FBXL4: variants seen among roughly 807,000 people sequenced by gnomAD.
The protein encoded by FBXL4 is F-box and leucine rich repeat protein 4.
In FBXL4, 40 loss-of-function variants were observed where a neutral mutation model predicts 58.9. The ratio of observed to expected loss-of-function variants is 0.68; its 90% CI spans 0.53 to 0.88. The LOEUF is 0.88. Among genes scored for constraint, FBXL4 ranks in the 40% least tolerant of loss-of-function variants. The pLI is 0.00. For missense variants in FBXL4, 676 were observed against 734.4 expected (o/e 0.92, Z 0.92); for synonymous variants, 263 against 265.5 (o/e 0.99, Z 0.09).
At chr6:98,926,265 T>A (rs547489984) in intron 4 of FBXL4, among the ~76,000 whole-genome samples, 17 of 152,324 alleles carry the variant, frequency 1.1e-4, no homozygotes, top group African/African-American at 3.8e-4. Context: ...TCATAAGCCA[T>A]GAATATTACA....
intron 7 of FBXL4, among the ~76,000 whole-genome samples, chr6:98,882,872 T>A (rs1261081045): frequency 1.3e-5 from 2 of 152,046 alleles, no homozygotes; most frequent in Non-Finnish European, 2.9e-5. Context: ...TGCTTACAAT[T>A]TTCACCATTA....
rs1773690325 is a variant in FBXL4 at position 98,947,880 on chromosome 6, G to T, written c.-383C>A. ...GCAGCGCGAGAAGGCCTGGGTGCGG[G>T]GGCGGCTCCCCGACTCTCTAGATGC... On this transcript the variant is annotated 5_prime_UTR_variant, in exon 1 of 10. Coordinates refer to ENST00000369244, the MANE Select transcript of FBXL4 (RefSeq NM_001278716.2). 6.6e-6 allele frequency: 1 copy of T among 152,078 alleles called. No individual in the cohort carries two copies. The allele number at this position is 152,078 out of a possible 1,614,324, so 9.4% of individuals were successfully genotyped here.
At chr6:98,944,860 C>G (rs557671186) in intron 1 of FBXL4, among the ~76,000 whole-genome samples, 1 of 152,282 alleles carries the variant, frequency 6.6e-6, no homozygotes, top group South Asian at 2.1e-4. Context: ...ATCACATCAC[C>G]CTGTGGAAAT....
At chr6:98,898,228 T>C (rs1771474744) in intron 7 of FBXL4, 1 of 942,446 alleles carries the variant, frequency 1.1e-6, no homozygotes, top group Non-Finnish European at 1.3e-6. Flanking sequence ...ACAAAAGCCC[T>C]GAGCTGGGAC....
rs1160846146 is a variant in FBXL4, at chr6:98,869,057, T to G, written c.*5221A>C. The G allele has an allele frequency of 1.3e-5, 2 of 152,140 alleles. No individual in the cohort carries two copies. Among genetic ancestry groups the G allele is most frequent in the East Asian group, 3.9e-4 (2 of 5,192 alleles). 9.4% of individuals were successfully genotyped at this position (152,140 alleles called of 1,614,324 possible). On this transcript the variant is annotated 3_prime_UTR_variant, in exon 10 of 10. Transcript: ENST00000369244. ...AGAATGTGAGCTATTGCCAAAAAAA[T>G]GATTCTAACAGTTATGGTTTTACAC...
At chr6:98,885,776 C>A (rs2128382119) in intron 7 of FBXL4, among the ~76,000 whole-genome samples, 1 of 152,300 alleles carries the variant, frequency 6.6e-6, no homozygotes, top group East Asian at 1.9e-4. Flanking sequence ...ATCATGTCAG[C>A]CAATTCCTTA....
intron 4 of FBXL4, among the ~76,000 whole-genome samples, chr6:98,922,358 T>C (rs1772616217): frequency 6.6e-6 from 1 of 152,206 alleles, no homozygotes. Context: ...AAAAGACTGG[T>C]TTTAAATTTT....
chr6:98,891,898 T>C (rs1009241214), intron 7 of FBXL4, among the ~76,000 whole-genome samples: 14 of 152,242 alleles, frequency 9.2e-5, no homozygotes, highest in African/African-American at 3.4e-4. Context: ...TTGGTCACTG[T>C]CATGGTTGTG....
At chr6:98,885,093 A>T (rs1016835888) in intron 7 of FBXL4, among the ~76,000 whole-genome samples, 19 of 152,184 alleles carry the variant, frequency 1.2e-4, no homozygotes, top group African/African-American at 4.6e-4. Flanking sequence ...ATATTTAGTT[A>T]AACATAATTC....
rs772085661 is a variant in FBXL4 at position 98,917,598 on chromosome 6, A to C, written c.634T>G (p.Ser212Ala). ...AATTCAGTGTAATATTCCAGAAGAG[A>C]ACTATTTACTTCCAGTCGTATAAGA... The part of the protein sequence containing the change: ...TNLIRLEVNS[S>A]LLEYYTELDA... Residue 212 changes from serine to alanine, a missense_variant, in exon 5 of 10, where the codon TCT (serine) becomes GCT (alanine). Coordinates refer to ENST00000369244, the MANE Select transcript of FBXL4 (RefSeq NM_001278716.2). 4 of 1,614,036 alleles carry C rather than the reference A, an allele frequency of 2.5e-6. No individual in the cohort carries two copies. Among genetic ancestry groups the C allele is most frequent in the Non-Finnish European group, 2.5e-6 (3 of 1,179,920 alleles).
intron 1 of FBXL4, among the ~76,000 whole-genome samples, chr6:98,941,318 A>T (rs550094349): frequency 6.6e-6 from 1 of 151,442 alleles, no homozygotes; most frequent in Non-Finnish European, 1.5e-5. Flanking sequence ...TGATGCAAAA[A>T]CTACATATTG....
chr6:98,868,709 T>G lies in FBXL4; in HGVS notation c.*5569A>C, dbSNP rs562603997. On this transcript the variant is annotated 3_prime_UTR_variant, in exon 10 of 10. Transcript: ENST00000369244. Reference sequence around the variant, plus strand: ...TTATCTTTAGTGTATTCTACTCTATTTATCTGATACGACTATTTTGCTTTT... The same window carrying G: ...TTATCTTTAGTGTATTCTACTCTATGTATCTGATACGACTATTTTGCTTTT... 1 of 152,220 alleles carries G rather than the reference T, an allele frequency of 6.6e-6. No homozygotes were observed. Among genetic ancestry groups the G allele is most frequent in the Non-Finnish European group, 1.5e-5 (1 of 68,034 alleles). 9.4% of individuals were successfully genotyped at this position (152,220 alleles called of 1,614,324 possible).
At chr6:98,892,160 A>T (rs1040762125) in intron 7 of FBXL4, among the ~76,000 whole-genome samples, 1 of 152,238 alleles carries the variant, frequency 6.6e-6, no homozygotes, top group African/African-American at 2.4e-5. Context: ...ATTATCAGCT[A>T]TTAAAACTAT....
chr6:98,876,702 A>G (rs1217197226), intron 8 of FBXL4, among the ~76,000 whole-genome samples: 2 of 152,190 alleles, frequency 1.3e-5, no homozygotes, highest in Non-Finnish European at 2.9e-5. Context: ...GAGAGTGATC[A>G]GAGTGTCACG....
intron 5 of FBXL4, among the ~76,000 whole-genome samples, chr6:98,908,884 T>G (rs1771921250): frequency 6.6e-6 from 1 of 152,172 alleles, no homozygotes; most frequent in Non-Finnish European, 1.5e-5. Flanking sequence ...ATAACTAAGT[T>G]TTTTAAAGCA....
rs1013830591 is a variant in FBXL4, at chr6:98,872,397, A to C, written c.*1881T>G. 6.6e-6 allele frequency: 1 copy of C among 152,180 alleles called. No individual in the cohort carries two copies. The highest frequency in any genetic ancestry group is 1.5e-5 in the Non-Finnish European group (1 of 68,024). The allele number at this position is 152,180 out of a possible 1,614,324, so 9.4% of individuals were successfully genotyped here. A position where few individuals can be genotyped will look rare whatever the true frequency, so the allele number is the denominator to read the frequency against. On this transcript the variant is annotated 3_prime_UTR_variant, in exon 10 of 10. Transcript: ENST00000369244. ...ATTTGACAATACCTATCTGCAAGGA[A>C]TTTTCAGAAGTAAAATACATAAAAT...
rs114916821 is a variant in FBXL4, at chr6:98,926,521, A to G, written c.468T>C (p.Ala156=). 6.0e-4 allele frequency: 965 copies of G among 1,613,486 alleles called. 8 individuals carry two copies. In the East Asian group the frequency reaches 0.011, roughly 18 times the overall value. Reference sequence around the variant, plus strand: ...TTGGGGAATAAGGATTTGCAGAACAAGCGAGAATTCTAATGACTGCTCCGG... The same window carrying G: ...TTGGGGAATAAGGATTTGCAGAACAGGCGAGAATTCTAATGACTGCTCCGG... ...YHPGAVIRIL[A]CSANPYSPNP... The change falls in exon 4 of 10, where the codon GCT becomes GCC. Residue 156 remains alanine (A), a synonymous_variant. Coordinates refer to ENST00000369244, the MANE Select transcript of FBXL4 (RefSeq NM_001278716.2).
At position 98,938,158 on chromosome 6, in the gene FBXL4, ATTGT is replaced by A. The variant is rs1773294422; in HGVS notation, c.-308-3283_-308-3280del. 4.2e-5 allele frequency among the ~76,000 whole-genome samples: 6 copies of A among 141,732 alleles called. No individual in the cohort carries two copies. In the South Asian group the frequency reaches 1.3e-3, roughly 32 times the overall value. The allele number at this position is 141,732 out of a possible 152,430, so 93.0% of individuals were successfully genotyped here. ...TGGTAGAGTTTTCTTTAGTTTTCTTATTGTTTGAGTCTTGATGGCCTTCACAGTT... is the reference window on the plus strand; with the variant it reads ...TGGTAGAGTTTTCTTTAGTTTTCTTATTGAGTCTTGATGGCCTTCACAGTT... On this transcript the variant is annotated intron_variant, in intron 1 of 9. Transcript: ENST00000369244.
Position 98,916,937 on chromosome 6 carries a change from A to T in FBXL4, c.858+437T>A, listed in dbSNP as rs138418120. 2.6e-5 allele frequency among the ~76,000 whole-genome samples: 4 copies of T among 152,194 alleles called. No homozygotes were observed. The East Asian group carries it at 7.7e-4, about 29-fold the overall frequency. Reference sequence around the variant, plus strand: ...ATAGAGTTAGTATAGAAAAAAAATGACACTTAGAGAAACTACAGATTAAAC... The same window carrying T: ...ATAGAGTTAGTATAGAAAAAAAATGTCACTTAGAGAAACTACAGATTAAAC... On this transcript the variant is annotated intron_variant, in intron 5 of 9. Transcript: ENST00000369244.
Sources: gnomAD v4.1 joint callset for allele counts (sites outside exome capture counted in the v4.1 genomes callset) on GRCh38, gnomAD v4.1.1 for gene constraint, MANE v1.5 for transcripts, NCBI Gene and HGNC (gene_info 2026-07-23, HGNC 2026-07-21) for gene names.